DST: variants seen among roughly 807,000 people sequenced by gnomAD.
DST encodes the protein bullous pemphigoid antigen.
In DST, 253 loss-of-function variants were observed where a neutral mutation model predicts 875.2. The ratio of observed to expected loss-of-function variants is 0.29; its 90% CI spans 0.26 to 0.32. The LOEUF is 0.32. Among genes scored for constraint, DST ranks in the 10% least tolerant of loss-of-function variants. DST has a pLI of 1.00. For synonymous variants in DST, 3,124 were observed against 3,197.1 expected (o/e 0.98, Z 0.77); for missense variants, 8,287 against 9,111.6 (o/e 0.91, Z 3.68).
chr6:56,551,622 TA>T lies in DST; in HGVS notation c.16608+561del, dbSNP rs111992842. ...GCACTGAGGAGCTTATGTCATGCAA[TA>T]AAAAAAAAATTCACCTCTAATCCTC... On this transcript the variant is annotated intron_variant, in intron 61 of 103. Transcript: ENST00000680361. Among the ~76,000 whole-genome samples the T allele has an allele frequency of 4.3e-4, 64 of 149,084 alleles. 1 individual carries two copies. Among genetic ancestry groups the T allele is most frequent in the African/African-American group, 9.8e-4 (40 of 40,872 alleles).
intron 50 of DST, 61 bp downstream of exon 50, chr6:56,578,753 T>C: frequency 6.4e-7 from 1 of 1,570,970 alleles, no homozygotes; most frequent in South Asian, 1.1e-5. Flanking sequence ...TCCATATCTA[T>C]TAGGACACCT....
intron 9 of DST, among the ~76,000 whole-genome samples, chr6:56,698,192 C>G (rs1173900335): frequency 1.3e-5 from 2 of 152,124 alleles, no homozygotes; most frequent in Non-Finnish European, 2.9e-5. Context: ...TGTTCAGGTC[C>G]TAGACCTACC....
intron 5 of DST, among the ~76,000 whole-genome samples, chr6:56,727,591 C>A (rs771085388): frequency 6.6e-6 from 1 of 152,176 alleles, no homozygotes; most frequent in South Asian, 2.1e-4. Context: ...TCTTTGCATA[C>A]TTTTATCTGT....
Position 56,953,837 on chromosome 6 carries a change from A to G in DST, c.182-18T>C, listed in dbSNP as rs762231764. On this transcript the variant is annotated intron_variant, in intron 1 of 103. Transcript: ENST00000680361. ...AACAGCATCTGGGGAGAAAAGAGAT[A>G]AATGAGACTTCATTTAACTCCTTGT... The G allele has an allele frequency of 9.2e-6, 12 of 1,309,818 alleles. No homozygotes were observed. In the South Asian group the frequency reaches 1.5e-4, roughly 16 times the overall value. The allele number at this position is 1,309,818 out of a possible 1,614,324, so 81.1% of individuals were successfully genotyped here.
intron 4 of DST, among the ~76,000 whole-genome samples, chr6:56,820,294 C>T (rs1347810630): frequency 1.3e-5 from 2 of 152,222 alleles, no homozygotes; most frequent in Non-Finnish European, 2.9e-5. Flanking sequence ...TGTACATGTT[C>T]TGTAAGTGTT....
At chr6:56,927,838 A>G (rs902890230) in intron 2 of DST, among the ~76,000 whole-genome samples, 2 of 152,356 alleles carry the variant, frequency 1.3e-5, no homozygotes, top group East Asian at 3.9e-4. Flanking sequence ...AACAGGTACT[A>G]GAGGACTAGA....
Position 56,740,206 on chromosome 6 carries a change from A to G in DST, c.626-4917T>C, listed in dbSNP as rs115658948. Among the ~76,000 whole-genome samples the G allele has an allele frequency of 9.3e-4, 142 of 151,914 alleles. 1 individual carries two copies. The highest frequency in any genetic ancestry group is 3.3e-3 in the African/African-American group (135 of 41,328). On this transcript the variant is annotated intron_variant, in intron 4 of 103. Transcript: ENST00000680361. ...AACTTGCTTTCACTTTATTCTGTGG[A>G]CTCACCCTGAATTCTCTCTGGCAAG...
At chr6:56,692,779 T>C in intron 9 of DST, 1 of 1,289,850 alleles carries the variant, frequency 7.8e-7, no homozygotes, top group Non-Finnish European at 1.0e-6. Context: ...AGGAGAAGTG[T>C]TCACACAGTC....
chr6:56,860,260 T>C (rs1005987390), intron 3 of DST, among the ~76,000 whole-genome samples: 1 of 152,106 alleles, frequency 6.6e-6, no homozygotes, highest in Non-Finnish European at 1.5e-5. Context: ...ATGACATTGC[T>C]GTATTCAGAG....
intron 4 of DST, among the ~76,000 whole-genome samples, chr6:56,744,969 G>A (rs2099568347): frequency 1.3e-5 from 2 of 152,068 alleles, no homozygotes; most frequent in Non-Finnish European, 2.9e-5. Context: ...TCATGTTCTA[G>A]TCAATCCAAC....
At chr6:56,580,309 G>A (rs997276198) in intron 49 of DST, among the ~76,000 whole-genome samples, 2 of 152,092 alleles carry the variant, frequency 1.3e-5, no homozygotes, top group Non-Finnish European at 2.9e-5. Flanking sequence ...CTTTTTGGGA[G>A]GCCAACTTGG....
chr6:56,518,079 C>A (rs1186565550), intron 69 of DST, among the ~76,000 whole-genome samples: 1 of 152,074 alleles, frequency 6.6e-6, no homozygotes, highest in Non-Finnish European at 1.5e-5. Context: ...ATTTATTATA[C>A]TATTATGTTT....
chr6:56,753,029 G>A (rs1203801272), intron 4 of DST, among the ~76,000 whole-genome samples: 1 of 152,080 alleles, frequency 6.6e-6, no homozygotes, highest in Non-Finnish European at 1.5e-5. Flanking sequence ...GACCTCAGGT[G>A]GTCCACCCGC....
At chr6:56,933,341 C>T (rs1203029772) in intron 2 of DST, among the ~76,000 whole-genome samples, 1 of 152,234 alleles carries the variant, frequency 6.6e-6, no homozygotes, top group East Asian at 1.9e-4. Flanking sequence ...GTAACTTCTG[C>T]TTTCCTAAAA....
At chr6:56,939,318 G>A (rs1192253843) in intron 2 of DST, among the ~76,000 whole-genome samples, 2 of 152,208 alleles carry the variant, frequency 1.3e-5, no homozygotes, top group Non-Finnish European at 2.9e-5. Context: ...GAAGATTTTG[G>A]TCCTGACGAA....
At position 56,757,524 on chromosome 6, in the gene DST, G is replaced by A. The variant is rs112996381; in HGVS notation, c.626-22235C>T. ...AGCTGTGCTACATTTCCTAGTAAAA[G>A]AAACCCTGATTCTGATGGGGACACA... On this transcript the variant is annotated intron_variant, in intron 4 of 103. Coordinates refer to ENST00000680361, the MANE Select transcript of DST (RefSeq NM_001374736.1). Among the ~76,000 whole-genome samples the A allele has an allele frequency of 4.8e-3, 738 of 152,236 alleles. 5 individuals are homozygous for A. Among genetic ancestry groups the A allele is most frequent in the African/African-American group, 0.017 (707 of 41,538 alleles).
intron 5 of DST, among the ~76,000 whole-genome samples, chr6:56,729,952 T>G (rs573550984): frequency 6.6e-6 from 1 of 152,282 alleles, no homozygotes; most frequent in African/African-American, 2.4e-5. Flanking sequence ...AGTAACCAAG[T>G]AGATGACTAA....
chr6:56,551,159 T>C (rs1473950514), intron 61 of DST, among the ~76,000 whole-genome samples: 1 of 152,216 alleles, frequency 6.6e-6, no homozygotes, highest in Non-Finnish European at 1.5e-5. Context: ...TTCAGTCACC[T>C]AAATAATGTT....
intron 47 of DST, among the ~76,000 whole-genome samples, chr6:56,595,789 C>CCCG (rs879514089): frequency 1.0e-4 from 15 of 146,428 alleles, no homozygotes; most frequent in African/African-American, 3.9e-4. Context: ...ACCCCCACCC[C>CCCG]ACCCCGAGAA....
Sources: allele counts gnomAD v4.1 joint callset (sites outside exome capture counted in the v4.1 genomes callset), GRCh38; gene constraint gnomAD v4.1.1; transcripts MANE v1.5; gene names NCBI Gene and HGNC (gene_info 2026-07-23, HGNC 2026-07-21).